LEPR: variants seen among roughly 807,000 people sequenced by gnomAD.
LEPR encodes OB receptor.
In LEPR, 56 loss-of-function variants were observed where a neutral mutation model predicts 114.7. The ratio of observed to expected loss-of-function variants is 0.49; its 90% confidence interval spans 0.39 to 0.61. The LOEUF is 0.61. Among genes scored for constraint, LEPR ranks in the 20% least tolerant of loss-of-function variants. LEPR has a pLI of 0.00. For missense variants in LEPR, 1,202 were observed against 1,352.9 expected (o/e 0.89, Z 1.75); for synonymous variants, 443 against 461.4 (o/e 0.96, Z 0.51).
At chr1:65,592,381 T>A (rs1194059076) in intron 5 of LEPR, among the ~76,000 whole-genome samples, 1 of 151,812 alleles carries the variant, frequency 6.6e-6, no homozygotes, top group Non-Finnish European at 1.5e-5. Flanking sequence ...TTTTGAAAGC[T>A]GTTTTCGCTG....
At chr1:65,570,883 C>A in intron 4 of LEPR, 81 bp downstream of exon 4, 2 of 1,206,740 alleles carry the variant, frequency 1.7e-6, no homozygotes, top group Non-Finnish European at 2.2e-6. Flanking sequence ...TGTCTTATGG[C>A]TATGATTTTA....
rs756624810 is a variant in LEPR at position 65,596,528 on chromosome 1, T to C, written c.784T>C (p.Leu262=). ...AAAGATTTCTTGGTCCAGCCCACCATTGGTACCATTTCCACTTCAATATCA... is the reference window on the plus strand; with the variant it reads ...AAAGATTTCTTGGTCCAGCCCACCACTGGTACCATTTCCACTTCAATATCA... ...NLKISWSSPP[L]VPFPLQYQVK... The change falls in exon 7 of 20, where the codon TTG becomes CTG. Residue 262 remains leucine (L), a synonymous_variant. Coordinates refer to ENST00000349533, the MANE Select transcript of LEPR (RefSeq NM_002303.6). The C allele has an allele frequency of 2.5e-6, 4 of 1,612,856 alleles. No individual in the cohort carries two copies. Among genetic ancestry groups the C allele is most frequent in the East Asian group, 2.2e-5 (1 of 44,778 alleles).
Position 65,633,363 on chromosome 1 carries a change from G to T in LEPR, c.2674-2828G>T. 7.5e-7 allele frequency: 1 copy of T among 1,331,830 alleles called. No homozygotes were observed. Among genetic ancestry groups the T allele is most frequent in the South Asian group, 2.3e-5 (1 of 42,768 alleles). The allele number at this position is 1,331,830 out of a possible 1,614,324, so 82.5% of individuals were successfully genotyped here. Reference sequence around the variant, plus strand: ...AGATGTGTAAATTTGGGTTCAAAATGTAGATTTGAGTCCAGTTTGGATGTG... The same window carrying T: ...AGATGTGTAAATTTGGGTTCAAAATTTAGATTTGAGTCCAGTTTGGATGTG... On this transcript the variant is annotated intron_variant, in intron 19 of 19. Transcript: ENST00000349533. The surrounding 1 kb of genome is among the most constrained non-coding windows in gnomAD (Gnocchi z 4.1).
At chr1:65,432,074 G>A in intron 2 of LEPR, 1 of 1,346,756 alleles carries the variant, frequency 7.4e-7, no homozygotes, top group Non-Finnish European at 9.5e-7. Context: ...ATAAGTAGGA[G>A]ATGAGTTTTA....
intron 14 of LEPR, among the ~76,000 whole-genome samples, chr1:65,614,397 CA>C (rs1657397178): frequency 6.6e-6 from 1 of 152,150 alleles, no homozygotes; most frequent in African/African-American, 2.4e-5. Context: ...ACCTGTATTA[CA>C]AGTGTATGAA....
At chr1:65,441,301 G>C (rs993006041) in intron 2 of LEPR, among the ~76,000 whole-genome samples, 1 of 152,166 alleles carries the variant, frequency 6.6e-6, no homozygotes, top group Non-Finnish European at 1.5e-5. Context: ...TAGCAGAAGG[G>C]GTGGGGAGAG....
intron 2 of LEPR, 81 bp from the exon 3 acceptor site, chr1:65,565,465 C>T (rs1653669531): frequency 2.2e-6 from 3 of 1,380,206 alleles, no homozygotes; most frequent in African/African-American, 2.9e-5. Context: ...AATCCCTTTC[C>T]TTTTATGTTT....
At chr1:65,460,388 A>G (rs1260299731) in intron 2 of LEPR, among the ~76,000 whole-genome samples, 1 of 151,826 alleles carries the variant, frequency 6.6e-6, no homozygotes, top group Admixed American at 6.6e-5. Context: ...GCTGAGGTAC[A>G]TGTTACAGTG....
chr1:65,568,663 G>A (rs1381019990), intron 3 of LEPR, among the ~76,000 whole-genome samples: 1 of 152,088 alleles, frequency 6.6e-6, no homozygotes, highest in Non-Finnish European at 1.5e-5. Flanking sequence ...TTGTTACAAT[G>A]ATTTCTTTTC....
intron 2 of LEPR, among the ~76,000 whole-genome samples, chr1:65,488,583 C>T (rs1312304905): frequency 6.6e-6 from 1 of 151,876 alleles, no homozygotes; most frequent in Non-Finnish European, 1.5e-5. Flanking sequence ...CTTGCCTCAG[C>T]CTCCCAAAGT....
chr1:65,490,665 A>G (rs543516277), intron 2 of LEPR, among the ~76,000 whole-genome samples: 5 of 152,242 alleles, frequency 3.3e-5, no homozygotes, highest in African/African-American at 7.2e-5. Flanking sequence ...TAAGACTCCA[A>G]ATAATTCTGT....
At chr1:65,435,660 C>T in intron 2 of LEPR, 4 of 985,198 alleles carry the variant, frequency 4.1e-6, no homozygotes, top group Non-Finnish European at 4.8e-6. Flanking sequence ...AGCCACTGTG[C>T]CCAGCCAAAA....
At chr1:65,456,238 G>A (rs1012326483) in intron 2 of LEPR, among the ~76,000 whole-genome samples, 8 of 151,964 alleles carry the variant, frequency 5.3e-5, no homozygotes, top group South Asian at 2.1e-4. Context: ...GAAATCACCC[G>A]TCTTCTGCGT....
chr1:65,543,323 T>G (rs919357003), intron 2 of LEPR, among the ~76,000 whole-genome samples: 1 of 152,008 alleles, frequency 6.6e-6, no homozygotes, highest in Admixed American at 6.5e-5. Flanking sequence ...TGTTTTTTTC[T>G]TATAAATTTG....
In LEPR at chr1:65,641,311, T is replaced by G. The variant is rs1238212111; in HGVS notation, c.*4296T>G. ...ATCTATATTGTAGATATTGTACTTT[T>G]AAAACCTGTCATTAAGTGTTTGGCA... On this transcript the variant is annotated 3_prime_UTR_variant, in exon 20 of 20. Coordinates refer to ENST00000349533, the MANE Select transcript of LEPR (RefSeq NM_002303.6). 3 of 152,208 alleles carry G rather than the reference T, an allele frequency of 2.0e-5. No individual in the cohort carries two copies. The highest frequency in any genetic ancestry group is 4.4e-5 in the Non-Finnish European group (3 of 68,014). The allele number at this position is 152,208 out of a possible 1,614,324, so 9.4% of individuals were successfully genotyped here.
intron 2 of LEPR, among the ~76,000 whole-genome samples, chr1:65,463,514 T>C (rs1646972496): frequency 6.6e-6 from 1 of 152,228 alleles, no homozygotes. Context: ...GGGCTCTTTT[T>C]TGGTTCCATA....
At chr1:65,538,519 A>C (rs1650939189) in intron 2 of LEPR, among the ~76,000 whole-genome samples, 1 of 152,156 alleles carries the variant, frequency 6.6e-6, no homozygotes, top group South Asian at 2.1e-4. Flanking sequence ...ATAAATTTAT[A>C]CTATATAAAT....
At chr1:65,494,274 A>G (rs1648034240) in intron 2 of LEPR, 1 of 152,184 alleles carries the variant, frequency 6.6e-6, no homozygotes, top group African/African-American at 2.4e-5. Context: ...CACAATTGCT[A>G]TTTAAAAATA....
intron 2 of LEPR, among the ~76,000 whole-genome samples, chr1:65,455,294 T>A (rs1278236601): frequency 2.0e-5 from 3 of 152,262 alleles, no homozygotes; most frequent in African/African-American, 7.2e-5. Flanking sequence ...GTCGAAGTCA[T>A]TCTCTGTCCA....
Sources: allele counts gnomAD v4.1 joint callset (sites outside exome capture counted in the v4.1 genomes callset), GRCh38; gene constraint gnomAD v4.1.1; non-coding constraint Gnocchi (gnomAD v3.1); transcripts MANE v1.5; gene names NCBI Gene and HGNC (gene_info 2026-07-23, HGNC 2026-07-21).